The following PTPRD variants were observed in gnomAD, a reference collection of about 807,000 sequenced individuals.
The protein encoded by PTPRD is receptor-type tyrosine-protein phosphatase delta.
Under a neutral mutation model 214.5 loss-of-function variants are expected in PTPRD, and 34 were observed. The ratio of observed to expected loss-of-function variants is 0.16; its 90% confidence interval spans 0.12 to 0.21. The LOEUF (loss-of-function observed/expected upper bound fraction) is 0.21, where lower values mean the gene tolerates loss of function less well. Ranked by LOEUF, PTPRD falls within the 10% of genes least tolerant of loss-of-function variation. PTPRD has a pLI of 1.00. For missense variants in PTPRD, 2,545 were observed against 2,398.7 expected, an observed-to-expected ratio of 1.06 and a Z score of -1.27; for synonymous variants, 1,128 against 845.7, an observed-to-expected ratio of 1.33 and a Z score of -5.79.
chr9:8,979,336 T>A (rs1169149828), intron 11 of PTPRD, among the ~76,000 whole-genome samples: 2 of 151,838 alleles, frequency 1.3e-5, no homozygotes, highest in African/African-American at 2.4e-5. Context: ...TTGGCAATGG[T>A]TTTTTTTGGA....
chr9:8,365,298 A>AGAT (rs2079544105), intron 39 of PTPRD, among the ~76,000 whole-genome samples: 1 of 152,188 alleles, frequency 6.6e-6, no homozygotes, highest in Non-Finnish European at 1.5e-5. Flanking sequence ...AATTACAGGA[A>AGAT]GATGTAAAGA....
chr9:8,905,899 T>C (rs2098704647), intron 11 of PTPRD, among the ~76,000 whole-genome samples: 1 of 152,212 alleles, frequency 6.6e-6, no homozygotes, highest in South Asian at 2.1e-4. Flanking sequence ...GTTGCTAACT[T>C]ATACTACACA....
chr9:9,422,705 G>A (rs1587982651), intron 8 of PTPRD, among the ~76,000 whole-genome samples: 1 of 152,066 alleles, frequency 6.6e-6, no homozygotes, highest in African/African-American at 2.4e-5. Context: ...AAAAAGTTAG[G>A]GTGTATATCT....
At chr9:9,528,521 G>T (rs1278147698) in intron 8 of PTPRD, among the ~76,000 whole-genome samples, 1 of 152,110 alleles carries the variant, frequency 6.6e-6, no homozygotes. Flanking sequence ...TCCCAGGAAA[G>T]GGATGGCAAA....
intron 11 of PTPRD, among the ~76,000 whole-genome samples, chr9:9,015,024 A>C (rs541593363): frequency 6.6e-6 from 1 of 152,262 alleles, no homozygotes; most frequent in East Asian, 1.9e-4. Context: ...TTACTTATGG[A>C]TTTAAAAAAA....
At chr9:10,111,324 C>T (rs1323787573) in intron 3 of PTPRD, among the ~76,000 whole-genome samples, 5 of 141,918 alleles carry the variant, frequency 3.5e-5, no homozygotes, top group East Asian at 2.0e-4. Flanking sequence ...CTGCAAGCTC[C>T]GCCTCCTGGG....
intron 14 of PTPRD, among the ~76,000 whole-genome samples, chr9:8,601,288 T>A (rs1564637147): frequency 6.6e-6 from 1 of 152,180 alleles, no homozygotes; most frequent in Non-Finnish European, 1.5e-5. Flanking sequence ...CCAGATGGCA[T>A]CTCTGAATCT....
chr9:9,332,335 C>A (rs2042631782), intron 9 of PTPRD, among the ~76,000 whole-genome samples: 1 of 151,744 alleles, frequency 6.6e-6, no homozygotes, highest in Non-Finnish European at 1.5e-5. Context: ...ATGCAGATAG[C>A]TTGAAAAAAT....
chr9:8,885,403 G>C (rs2098478420), intron 11 of PTPRD, among the ~76,000 whole-genome samples: 1 of 151,332 alleles, frequency 6.6e-6, no homozygotes, highest in South Asian at 2.1e-4. Flanking sequence ...GGCTCACAAT[G>C]CCACAAGTAA....
chr9:9,523,855 G>T (rs1203966044), intron 8 of PTPRD, among the ~76,000 whole-genome samples: 2 of 151,966 alleles, frequency 1.3e-5, no homozygotes, highest in African/African-American at 4.8e-5. Context: ...ACTTTTGCCG[G>T]CCCATTACCC....
intron 7 of PTPRD, among the ~76,000 whole-genome samples, chr9:9,697,458 T>G (rs749678462): frequency 1.3e-5 from 2 of 152,090 alleles, no homozygotes; most frequent in Non-Finnish European, 2.9e-5. Context: ...ACATAATTTT[T>G]GTTTCAGAGT....
intron 11 of PTPRD, among the ~76,000 whole-genome samples, chr9:8,778,202 C>G (rs1259871138): frequency 6.6e-6 from 1 of 152,160 alleles, no homozygotes; most frequent in African/African-American, 2.4e-5. Flanking sequence ...TAGCCACAGG[C>G]TAGACAATTT....
intron 11 of PTPRD, among the ~76,000 whole-genome samples, chr9:8,823,263 T>C (rs1398885087): frequency 6.6e-6 from 1 of 152,168 alleles, no homozygotes; most frequent in Non-Finnish European, 1.5e-5. Context: ...CTTCTTAAAA[T>C]TCCTGGATGA....
intron 8 of PTPRD, among the ~76,000 whole-genome samples, chr9:9,546,764 TTA>T (rs759823131): frequency 2.4e-4 from 36 of 151,882 alleles, no homozygotes; most frequent in Admixed American, 5.3e-4. Flanking sequence ...TTTATATGCA[TTA>T]TGTTATTTAA....
At chr9:8,865,522 T>C (rs993137111) in intron 11 of PTPRD, among the ~76,000 whole-genome samples, 2 of 152,164 alleles carry the variant, frequency 1.3e-5, no homozygotes, top group Non-Finnish European at 2.9e-5. Context: ...GTCCACTAAA[T>C]AGAATGAATT....
intron 5 of PTPRD, among the ~76,000 whole-genome samples, chr9:9,827,477 C>T (rs1334889723): frequency 6.6e-6 from 1 of 152,128 alleles, no homozygotes; most frequent in Non-Finnish European, 1.5e-5. Context: ...AAACTGGATC[C>T]CTTCCTTACA....
intron 9 of PTPRD, among the ~76,000 whole-genome samples, chr9:9,368,323 A>G (rs1596471368): frequency 3.4e-5 from 1 of 28,994 alleles, no homozygotes; most frequent in African/African-American, 1.6e-4. Flanking sequence ...TCACATGTGA[A>G]TGAAATATAC....
chr9:9,963,090 T>C (rs1166873557), intron 4 of PTPRD, among the ~76,000 whole-genome samples: 1 of 152,116 alleles, frequency 6.6e-6, no homozygotes, highest in Non-Finnish European at 1.5e-5. Context: ...GCCAGATAAT[T>C]TGACTTTAGT....
chr9:9,891,536 T>C (rs1384736215), intron 5 of PTPRD, among the ~76,000 whole-genome samples: 2 of 152,086 alleles, frequency 1.3e-5, no homozygotes, highest in Non-Finnish European at 2.9e-5. Flanking sequence ...TAACAACACA[T>C]ATGAGCTTAT....
Sources: allele counts gnomAD v4.1 joint callset (sites outside exome capture counted in the v4.1 genomes callset), GRCh38; gene constraint gnomAD v4.1.1; transcripts MANE v1.5; gene names NCBI Gene and HGNC (gene_info 2026-07-23, HGNC 2026-07-21).